PPP2R2B: variants seen among roughly 807,000 people sequenced by gnomAD.
PPP2R2B encodes serine/threonine-protein phosphatase 2A 55 kDa regulatory subunit B beta isoform.
In PPP2R2B, 5 loss-of-function variants were observed where a neutral mutation model predicts 46.0. The ratio of observed to expected loss-of-function variants is 0.11; its 90% CI spans 0.06 to 0.23. The LOEUF (loss-of-function observed/expected upper bound fraction) is 0.23, where lower values mean the gene tolerates loss of function less well. Among genes scored for constraint, PPP2R2B ranks in the 10% least tolerant of loss-of-function variants. PPP2R2B has a pLI of 1.00. For synonymous variants in PPP2R2B, 215 were observed against 206.7 expected, an observed-to-expected ratio of 1.04 and a Z score of -0.34; for missense variants, 367 against 575.0, an observed-to-expected ratio of 0.64 and a Z score of 3.70.
At chr5:146,619,545 G>C (rs1368294036) in intron 7 of PPP2R2B, among the ~76,000 whole-genome samples, 1 of 152,148 alleles carries the variant, frequency 6.6e-6, no homozygotes, top group Non-Finnish European at 1.5e-5. Flanking sequence ...GCAGAAATGG[G>C]GCTCCAGCAC....
chr5:147,035,235 G>T, intron 1 of PPP2R2B: 1 of 421,624 alleles, frequency 2.4e-6, no homozygotes, highest in Non-Finnish European at 4.7e-6. Flanking sequence ...GGGAAGCAAG[G>T]CACATCTTAC....
At chr5:146,870,482 ACTC>A (rs1761552757) in intron 2 of PPP2R2B, among the ~76,000 whole-genome samples, 1 of 152,198 alleles carries the variant, frequency 6.6e-6, no homozygotes, top group African/African-American at 2.4e-5. Context: ...GGAAGAGAGA[ACTC>A]ACCAGAAACC....
At chr5:147,067,372 A>C (rs963788968) in intron 2 of PPP2R2B, among the ~76,000 whole-genome samples, 1 of 152,008 alleles carries the variant, frequency 6.6e-6, no homozygotes, top group Admixed American at 6.6e-5. Context: ...TATGTGCTTG[A>C]CTTTTTTAGA....
In PPP2R2B at chr5:146,589,978, T is replaced by G; in HGVS notation, c.1301A>C (p.Asn434Thr). ...AACCTTGTCCTGGAATATATATAGGTTATTTGTAGCCGCCACTGCTATAAT... is the reference window on the plus strand; with the variant it reads ...AACCTTGTCCTGGAATATATATAGGGTATTTGTAGCCGCCACTGCTATAAT... Reference protein sequence around the residue: ...ENIIAVAATNNLYIFQDKVN With the variant: ...ENIIAVAATNTLYIFQDKVN The change falls in exon 10 of 10, where the codon AAC (asparagine) becomes ACC (threonine). Residue 434 changes from asparagine to threonine, a missense_variant. Coordinates refer to ENST00000394411, the MANE Select transcript of PPP2R2B (RefSeq NM_181675.4). 1 of 1,614,188 alleles carries G rather than the reference T, an allele frequency of 6.2e-7. No homozygotes were observed. The highest frequency in any genetic ancestry group is 1.1e-5 in the South Asian group (1 of 91,082).
intron 1 of PPP2R2B, among the ~76,000 whole-genome samples, chr5:147,045,671 C>A (rs922064697): frequency 1.3e-5 from 2 of 152,026 alleles, no homozygotes; most frequent in Admixed American, 1.3e-4. Flanking sequence ...AATGTACACC[C>A]CTCGATAATT....
At chr5:147,045,022 T>TA (rs1322074428) in intron 1 of PPP2R2B, among the ~76,000 whole-genome samples, 1 of 152,174 alleles carries the variant, frequency 6.6e-6, no homozygotes, top group African/African-American at 2.4e-5. Flanking sequence ...TTATTGAGAA[T>TA]AAAAAATTCT....
At chr5:147,024,391 C>T (rs1219197717) in intron 1 of PPP2R2B, among the ~76,000 whole-genome samples, 1 of 152,116 alleles carries the variant, frequency 6.6e-6, no homozygotes, top group African/African-American at 2.4e-5. Context: ...TTCAACATTC[C>T]TCTCTCAGTA....
chr5:146,948,404 G>A (rs1298527004), intron 1 of PPP2R2B, among the ~76,000 whole-genome samples: 2 of 152,030 alleles, frequency 1.3e-5, no homozygotes, highest in Non-Finnish European at 2.9e-5. Context: ...ATGACTTAAT[G>A]CATGTGAAGT....
chr5:146,958,090 A>G (rs1751996744), intron 1 of PPP2R2B, among the ~76,000 whole-genome samples: 3 of 152,120 alleles, frequency 2.0e-5, no homozygotes, highest in Non-Finnish European at 4.4e-5. Context: ...TGCTGCCAAG[A>G]CATTAATCAA....
At chr5:146,911,087 T>A in intron 1 of PPP2R2B, among the ~76,000 whole-genome samples, 1 of 44,364 alleles carries the variant, frequency 2.3e-5, no homozygotes, top group Non-Finnish European at 3.6e-5. Context: ...TTAGACACTT[T>A]CTTTTTTTTT....
intron 5 of PPP2R2B, among the ~76,000 whole-genome samples, chr5:146,675,990 C>G (rs984955650): frequency 3.3e-5 from 5 of 152,010 alleles, no homozygotes. Flanking sequence ...TTCTATGACC[C>G]TCCAAACAAT....
In PPP2R2B at chr5:146,916,343, T is replaced by C. The variant is rs538320779; in HGVS notation, c.79+139322A>G. 6.6e-5 allele frequency among the ~76,000 whole-genome samples: 10 copies of C among 151,276 alleles called. No homozygotes were observed. The South Asian group carries it at 2.1e-3, about 32-fold the overall frequency. ...AGGAAGTTCTATCTCTTTGAGTATATAGTAGGTCTCATTATATATTTAATC... is the reference window on the plus strand; with the variant it reads ...AGGAAGTTCTATCTCTTTGAGTATACAGTAGGTCTCATTATATATTTAATC... On this transcript the variant is annotated intron_variant, in intron 1 of 8. Transcript: ENST00000336640.
intron 2 of PPP2R2B, among the ~76,000 whole-genome samples, chr5:146,722,122 A>T (rs1581952637): frequency 1.3e-5 from 2 of 152,198 alleles, no homozygotes; most frequent in Admixed American, 6.5e-5. Context: ...CTTCTAACAT[A>T]GGCAGTCTAA....
At chr5:146,805,790 G>A (rs953269526) in intron 2 of PPP2R2B, among the ~76,000 whole-genome samples, 13 of 152,104 alleles carry the variant, frequency 8.5e-5, no homozygotes, top group Non-Finnish European at 1.5e-5. Flanking sequence ...GGGGAAGGCT[G>A]TGTTTGCCAA....
At chr5:146,802,184 C>A (rs955622702) in intron 2 of PPP2R2B, among the ~76,000 whole-genome samples, 1 of 152,176 alleles carries the variant, frequency 6.6e-6, no homozygotes, top group South Asian at 2.1e-4. Flanking sequence ...CCCAGTTTCA[C>A]GCCCCCTTTT....
chr5:146,812,791 GTGTATATATATATATATATATATATA>G (rs1172708721), intron 2 of PPP2R2B, among the ~76,000 whole-genome samples: 1 of 9,946 alleles, frequency 1.0e-4, no homozygotes, highest in Non-Finnish European at 1.8e-4. Context: ...GTGTATATGT[GTGTATATATATATATATATATATATA>G]TATATATATA....
chr5:146,954,383 T>C (rs1751775232), intron 1 of PPP2R2B, among the ~76,000 whole-genome samples: 2 of 152,150 alleles, frequency 1.3e-5, no homozygotes, highest in African/African-American at 4.8e-5. Flanking sequence ...CTTAGAATAA[T>C]AGTCTCCAAT....
At chr5:146,816,674 AAC>A (rs1424559008) in intron 2 of PPP2R2B, among the ~76,000 whole-genome samples, 1 of 152,194 alleles carries the variant, frequency 6.6e-6, no homozygotes, top group Non-Finnish European at 1.5e-5. Context: ...ATCAAATAAA[AAC>A]ACAGGTTTTT....
At chr5:146,891,729 A>C (rs915365452) in intron 1 of PPP2R2B, among the ~76,000 whole-genome samples, 2 of 152,224 alleles carry the variant, frequency 1.3e-5, no homozygotes, top group Non-Finnish European at 2.9e-5. Context: ...ACTAACCACA[A>C]TGTAAAAATG....
Sources: gnomAD v4.1 joint callset for allele counts (sites outside exome capture counted in the v4.1 genomes callset) on GRCh38, gnomAD v4.1.1 for gene constraint, MANE v1.5 for transcripts, NCBI Gene and HGNC (gene_info 2026-07-23, HGNC 2026-07-21) for gene names.